NDST4: variants seen among roughly 807,000 people sequenced by gnomAD.
NDST4 encodes the protein N-deacetylase and N-sulfotransferase 4, also known as N-heparan sulfate sulfotransferase 4.
Under a neutral mutation model 100.8 loss-of-function variants are expected in NDST4, and 63 were observed. The observed-to-expected ratio is 0.62, with a 90% CI of 0.51 to 0.77. The LOEUF (loss-of-function observed/expected upper bound fraction) is 0.77. Ranked by LOEUF, NDST4 falls within the 30% of genes least tolerant of loss-of-function variation. NDST4 has a pLI of 0.00. For synonymous variants in NDST4, 377 were observed against 361.8 expected (o/e 1.04, Z -0.48); for missense variants, 943 against 1,018.4 (o/e 0.93, Z 1.01).
At chr4:115,027,319 T>C (rs745954319) in intron 2 of NDST4, among the ~76,000 whole-genome samples, 4 of 152,104 alleles carry the variant, frequency 2.6e-5, no homozygotes, top group Admixed American at 6.6e-5. Flanking sequence ...AGCCTCTCTA[T>C]TAAAACAGTT....
intron 4 of NDST4, among the ~76,000 whole-genome samples, chr4:114,937,742 T>G (rs1209045902): frequency 6.6e-6 from 1 of 152,038 alleles, no homozygotes; most frequent in East Asian, 1.9e-4. Context: ...TTTAAAATTT[T>G]GAATATGTAA....
chr4:115,045,614 C>A (rs922596005), intron 2 of NDST4, among the ~76,000 whole-genome samples: 12 of 152,160 alleles, frequency 7.9e-5, no homozygotes, highest in Non-Finnish European at 1.8e-4. Flanking sequence ...TATTGAACAA[C>A]AGATCCCCTA....
chr4:114,843,616 C>T (rs1431818153), intron 10 of NDST4, among the ~76,000 whole-genome samples: 2 of 152,182 alleles, frequency 1.3e-5, no homozygotes, highest in Admixed American at 6.5e-5. Context: ...CTCCACTTCC[C>T]TCCACATCTT....
intron 2 of NDST4, among the ~76,000 whole-genome samples, chr4:114,980,321 G>A (rs191366070): frequency 1.8e-3 from 270 of 152,130 alleles, no homozygotes; most frequent in South Asian, 3.3e-3. Context: ...TGAATATTTC[G>A]TGCGGAAACT....
chr4:114,847,688 CTTAATA>C (rs917132599), intron 9 of NDST4, among the ~76,000 whole-genome samples: 10 of 151,924 alleles, frequency 6.6e-5, no homozygotes, highest in African/African-American at 2.4e-4. Context: ...TCATGTGTTA[CTTAATA>C]TTTATTTTAT....
In NDST4 at chr4:114,899,457, G is replaced by A. The variant is rs529545856; in HGVS notation, c.1537-28507C>T. ...CTCCCAAAATGCTGGGATTACAAGC[G>A]TGAGACACCACGCCCAGCCTAGATT... On this transcript the variant is annotated intron_variant, in intron 6 of 13. Coordinates refer to ENST00000264363, the MANE Select transcript of NDST4 (RefSeq NM_022569.3). Among the ~76,000 whole-genome samples the A allele has an allele frequency of 3.3e-5, 5 of 152,152 alleles. No individual in the cohort carries two copies. The South Asian group carries it at 8.3e-4, about 25-fold the overall frequency.
At chr4:114,957,286 A>G (rs1479098070) in intron 4 of NDST4, among the ~76,000 whole-genome samples, 1 of 152,200 alleles carries the variant, frequency 6.6e-6, no homozygotes, top group African/African-American at 2.4e-5. Flanking sequence ...TCTCACAACT[A>G]TGGCAGAAGG....
intron 2 of NDST4, among the ~76,000 whole-genome samples, chr4:114,979,668 T>C (rs777151079): frequency 2.2e-4 from 33 of 151,914 alleles, no homozygotes; most frequent in Non-Finnish European, 4.6e-4. Flanking sequence ...CCTTGTGTCA[T>C]AGATCTCTAA....
At chr4:115,047,836 T>C (rs1728497738) in intron 2 of NDST4, among the ~76,000 whole-genome samples, 1 of 152,132 alleles carries the variant, frequency 6.6e-6, no homozygotes, top group Admixed American at 6.6e-5. Flanking sequence ...TATCAATCTA[T>C]TAATTGATCT....
At chr4:114,891,858 C>G (rs1007023134) in intron 6 of NDST4, among the ~76,000 whole-genome samples, 1 of 152,152 alleles carries the variant, frequency 6.6e-6, no homozygotes, top group African/African-American at 2.4e-5. Flanking sequence ...GATACAAAAG[C>G]ATTCTATTGC....
At chr4:114,935,072 A>G in intron 6 of NDST4, 134 bp downstream of exon 6, 1 of 649,406 alleles carries the variant, frequency 1.5e-6, no homozygotes, top group South Asian at 6.6e-5. Flanking sequence ...GTATTTTAAT[A>G]TAGATTTAAA....
At chr4:114,922,876 A>G (rs1466528937) in intron 6 of NDST4, among the ~76,000 whole-genome samples, 2 of 152,214 alleles carry the variant, frequency 1.3e-5, no homozygotes, top group Admixed American at 6.5e-5. Flanking sequence ...GATAGTCACT[A>G]AACAGGTACC....
rs562656137 is a variant in NDST4, at chr4:114,827,948, A to G, written c.2500-13T>C. ...GGAACGTTCTAGACTGGAAAGAAAAAAAGAAGAACTTGAAAGAAGCTCTTT... is the reference window on the plus strand; with the variant it reads ...GGAACGTTCTAGACTGGAAAGAAAAGAAGAAGAACTTGAAAGAAGCTCTTT... On this transcript the variant is annotated splice_polypyrimidine_tract_variant and intron_variant, in intron 13 of 13. Coordinates refer to ENST00000264363, the MANE Select transcript of NDST4 (RefSeq NM_022569.3). 9 of 1,580,064 alleles carry G rather than the reference A, an allele frequency of 5.7e-6. No individual in the cohort carries two copies. The highest frequency in any genetic ancestry group is 5.5e-5 in the African/African-American group (4 of 72,636).
Position 115,055,582 on chromosome 4 carries a change from A to G in NDST4, c.978+20477T>C, listed in dbSNP as rs577588833. Among the ~76,000 whole-genome samples, 7 of 152,292 alleles carry G rather than the reference A, an allele frequency of 4.6e-5. No homozygotes were observed. In the East Asian group the frequency reaches 1.4e-3, roughly 29 times the overall value. On this transcript the variant is annotated intron_variant, in intron 2 of 13. Transcript: ENST00000264363. ...AACTTTAACCTGAGTTCAAGTTGTC[A>G]TTGATCATATCGGTTATTGAGTCCA...
intron 12 of NDST4, among the ~76,000 whole-genome samples, chr4:114,830,536 T>C (rs1395270191): frequency 1.3e-5 from 2 of 152,204 alleles, no homozygotes; most frequent in South Asian, 2.1e-4. Flanking sequence ...TACAGAAAAC[T>C]CTAATGTCGT....
At chr4:114,940,388 C>A (rs1469472419) in intron 4 of NDST4, among the ~76,000 whole-genome samples, 2 of 152,178 alleles carry the variant, frequency 1.3e-5, no homozygotes, top group African/African-American at 4.8e-5. Flanking sequence ...GCTCTAACAG[C>A]AACTGAAATA....
intron 4 of NDST4, among the ~76,000 whole-genome samples, chr4:114,957,543 C>T (rs1726166685): frequency 6.6e-6 from 1 of 152,166 alleles, no homozygotes; most frequent in African/African-American, 2.4e-5. Flanking sequence ...CCTGGCCTCT[C>T]CCAAATTTCA....
At chr4:115,100,073 A>G (rs1729699490) in intron 1 of NDST4, among the ~76,000 whole-genome samples, 1 of 152,132 alleles carries the variant, frequency 6.6e-6, no homozygotes, top group Admixed American at 6.6e-5. Flanking sequence ...AAGGTTATAT[A>G]CTATATAATT....
intron 10 of NDST4, among the ~76,000 whole-genome samples, chr4:114,844,500 G>A (rs1172053880): frequency 5.3e-5 from 8 of 152,088 alleles, no homozygotes; most frequent in African/African-American, 1.9e-4. Flanking sequence ...AACATATACT[G>A]TATCCTCTAC....
Sources: allele counts gnomAD v4.1 joint callset (sites outside exome capture counted in the v4.1 genomes callset), GRCh38; gene constraint gnomAD v4.1.1; transcripts MANE v1.5; gene names NCBI Gene and HGNC (gene_info 2026-07-23, HGNC 2026-07-21).